CPNE5: variants seen among roughly 807,000 people sequenced by gnomAD.
The protein encoded by CPNE5 is copine-5.
In CPNE5, 42 loss-of-function variants were observed where a neutral mutation model predicts 81.1. The ratio of observed to expected loss-of-function variants is 0.52; its 90% CI spans 0.40 to 0.67. The LOEUF (loss-of-function observed/expected upper bound fraction) is 0.67, where lower values mean the gene tolerates loss of function less well. Among genes scored for constraint, CPNE5 ranks in the 30% least tolerant of loss-of-function variants. The probability of loss-of-function intolerance (pLI) is 0.00; values close to 1 mark genes in which losing one functional copy is unlikely to be tolerated. For missense variants in CPNE5, 612 were observed against 815.5 expected, an observed-to-expected ratio of 0.75 and a Z score of 3.04; for synonymous variants, 313 against 321.5, an observed-to-expected ratio of 0.97 and a Z score of 0.28.
At position 36,740,893 on chromosome 6, in the gene CPNE5, A is replaced by C. The variant is rs1660303343; in HGVS notation, c.*1375T>G. ...CCACCACCATGCATGACGGGGAAGC[A>C]GAGGCAGGCGGAAGACGGGGGCCTG... On this transcript the variant is annotated 3_prime_UTR_variant, in exon 21 of 21. Coordinates refer to ENST00000244751, the MANE Select transcript of CPNE5 (RefSeq NM_020939.2). 1 of 152,758 alleles carries C rather than the reference A, an allele frequency of 6.5e-6. No individual in the cohort carries two copies. Among genetic ancestry groups the C allele is most frequent in the South Asian group, 2.1e-4 (1 of 4,830 alleles). The allele number at this position is 152,758 out of a possible 1,614,324, so 9.5% of individuals were successfully genotyped here.
intron 12 of CPNE5, among the ~76,000 whole-genome samples, chr6:36,758,597 A>G (rs1197565140): frequency 6.6e-6 from 1 of 152,120 alleles, no homozygotes. Context: ...CTGCCACCAT[A>G]AGTCCATGCG....
At chr6:36,781,367 A>T (rs1461118995) in intron 8 of CPNE5, among the ~76,000 whole-genome samples, 2 of 151,686 alleles carry the variant, frequency 1.3e-5, no homozygotes, top group Non-Finnish European at 1.5e-5. Flanking sequence ...ACCTGTGTTA[A>T]GCCTTCATAC....
rs575371056 is a variant in CPNE5 at position 36,794,748 on chromosome 6, C to G, written c.405-99G>C. The G allele has an allele frequency of 6.4e-6, 7 of 1,086,016 alleles. No homozygotes were observed. The African/African-American group carries it at 1.1e-4, about 17-fold the overall frequency. 67.3% of individuals were successfully genotyped at this position (1,086,016 alleles called of 1,614,324 possible). A position where few individuals can be genotyped will look rare whatever the true frequency, so the allele number is the denominator to read the frequency against. ...CATCCAGATGCTTGGAGACAAGCGG[C>G]TGCTCTGGAAGTCATTAAAACAGGA... On this transcript the variant is annotated intron_variant, in intron 6 of 20. Transcript: ENST00000244751.
chr6:36,822,298 A>T, intron 2 of CPNE5, 138 bp from the exon 3 acceptor site: 1 of 581,832 alleles, frequency 1.7e-6, no homozygotes, highest in Non-Finnish European at 2.9e-6. Context: ...GTAGGGGTAG[A>T]GGGTGTCTCC....
chr6:36,774,682 C>T (rs1304426499), intron 10 of CPNE5, among the ~76,000 whole-genome samples: 2 of 152,220 alleles, frequency 1.3e-5, no homozygotes, highest in African/African-American at 4.8e-5. Flanking sequence ...AGTTTCCCAC[C>T]AGTGGGGATG....
chr6:36,775,106 C>T, intron 9 of CPNE5, 41 bp from the exon 10 acceptor site: 1 of 1,520,986 alleles, frequency 6.6e-7, no homozygotes, highest in Admixed American at 1.7e-5. Flanking sequence ...CAGGCCCAAA[C>T]CCAAGGGAGG....
intron 1 of CPNE5, chr6:36,827,737 G>C: frequency 6.1e-6 from 6 of 985,434 alleles, no homozygotes; most frequent in Non-Finnish European, 7.2e-6. Flanking sequence ...AAGCCTGGGG[G>C]AGGAAACCGG....
chr6:36,780,993 C>A (rs895474622), intron 8 of CPNE5, among the ~76,000 whole-genome samples: 1 of 152,118 alleles, frequency 6.6e-6, no homozygotes, highest in Non-Finnish European at 1.5e-5. Flanking sequence ...TACCACTCTG[C>A]CCCCCTGAGA....
chr6:36,798,428 T>C (rs376983340), intron 5 of CPNE5, 27 bp downstream of exon 5: 2 of 1,611,826 alleles, frequency 1.2e-6, no homozygotes, highest in Non-Finnish European at 1.7e-6. Context: ...ACTATGGAAT[T>C]GCTGAGCAGT....
At chr6:36,798,284 G>A (rs1218186215) in intron 5 of CPNE5, 43 bp from the exon 6 acceptor site, 1 of 1,580,806 alleles carries the variant, frequency 6.3e-7, no homozygotes, top group East Asian at 2.2e-5. Flanking sequence ...CACCCACTCT[G>A]CTCACAGCTA....
rs371912627 is a variant in CPNE5 at position 36,745,030 on chromosome 6, C to A, written c.1431+18G>T. 4 of 1,588,276 alleles carry A rather than the reference C, an allele frequency of 2.5e-6. No individual in the cohort carries two copies. Among genetic ancestry groups the A allele is most frequent in the Non-Finnish European group, 3.5e-6 (4 of 1,156,536 alleles). On this transcript the variant is annotated intron_variant, in intron 18 of 20. Transcript: ENST00000244751. Reference sequence around the variant, plus strand: ...ACACTCCTCAAACCGCCTCCCCCACCGCACACTCCTTGCTTACGTTGACAA... The same window carrying A: ...ACACTCCTCAAACCGCCTCCCCCACAGCACACTCCTTGCTTACGTTGACAA...
At chr6:36,777,777 CACACACACA>C (rs1767676695) in intron 9 of CPNE5, among the ~76,000 whole-genome samples, 1 of 40,642 alleles carries the variant, frequency 2.5e-5, no homozygotes, top group Non-Finnish European at 6.1e-5. Context: ...CACACACACA[CACACACACA>C]CACACACACA....
At chr6:36,836,001 T>C (rs1193668161) in intron 1 of CPNE5, among the ~76,000 whole-genome samples, 2 of 152,204 alleles carry the variant, frequency 1.3e-5, no homozygotes, top group African/African-American at 2.4e-5. Flanking sequence ...ATGGGGAAAC[T>C]GAGGCATAGA....
chr6:36,794,761 C>T (rs1034628987), intron 6 of CPNE5, 112 bp from the exon 7 acceptor site: 7 of 933,592 alleles, frequency 7.5e-6, no homozygotes, highest in African/African-American at 1.6e-5. Context: ...CTCTGGAAGT[C>T]ATTAAAACAG....
At chr6:36,807,951 G>A (rs1295822746) in intron 3 of CPNE5, among the ~76,000 whole-genome samples, 1 of 152,222 alleles carries the variant, frequency 6.6e-6, no homozygotes, top group Non-Finnish European at 1.5e-5. Flanking sequence ...CAAAAGGCAG[G>A]AGGAGCCCTT....
chr6:36,798,598 T>C, intron 4 of CPNE5, 104 bp from the exon 5 acceptor site: 1 of 935,966 alleles, frequency 1.1e-6, no homozygotes, highest in African/African-American at 1.6e-5. Flanking sequence ...AAAAAACAGG[T>C]CCCAACACAG....
At chr6:36,750,737 C>T (rs547202437) in intron 14 of CPNE5, among the ~76,000 whole-genome samples, 6 of 152,256 alleles carry the variant, frequency 3.9e-5, no homozygotes, top group Non-Finnish European at 5.9e-5. Flanking sequence ...GTGAAAGTCC[C>T]GCTCCCAGGG....
chr6:36,755,639 G>A lies in CPNE5; in HGVS notation c.909+606C>T, dbSNP rs557124285. ...TGCCTAGAATAGTGCCTGGCACACA[G>A]TAGCACTCAGTAAGTATTTGCTGAA... On this transcript the variant is annotated intron_variant, in intron 13 of 20. Coordinates refer to ENST00000244751, the MANE Select transcript of CPNE5 (RefSeq NM_020939.2). 141 of 155,736 alleles carry A rather than the reference G, an allele frequency of 9.1e-4. 1 individual carries two copies. In the South Asian group the frequency reaches 0.027, roughly 30 times the overall value. 9.6% of individuals were successfully genotyped at this position (155,736 alleles called of 1,614,324 possible). A position where few individuals can be genotyped will look rare whatever the true frequency, so the allele number is the denominator to read the frequency against.
At chr6:36,813,982 G>A (rs942588005) in intron 3 of CPNE5, among the ~76,000 whole-genome samples, 4 of 152,124 alleles carry the variant, frequency 2.6e-5, no homozygotes, top group East Asian at 1.9e-4. Context: ...CCTTTTTATC[G>A]ATTAGTAAGC....
Sources: allele counts gnomAD v4.1 joint callset (sites outside exome capture counted in the v4.1 genomes callset), GRCh38; gene constraint gnomAD v4.1.1; transcripts MANE v1.5; gene names NCBI Gene and HGNC (gene_info 2026-07-23, HGNC 2026-07-21).